Variants in MMS19 observed in about 807,000 individuals in gnomAD.
MMS19 encodes the protein MMS19 cytosolic iron-sulfur assembly component.
Under a neutral mutation model 129.8 loss-of-function variants are expected in MMS19, and 77 were observed. That is an observed-to-expected ratio of 0.59 (90% CI 0.49 to 0.72). The LOEUF (loss-of-function observed/expected upper bound fraction) is 0.72, where lower values mean the gene tolerates loss of function less well. MMS19 is among the 30% of genes least tolerant of loss of function. The pLI is 0.00. For missense variants in MMS19, 1,168 were observed against 1,266.3 expected, an observed-to-expected ratio of 0.92 and a Z score of 1.18; for synonymous variants, 491 against 502.8, an observed-to-expected ratio of 0.98 and a Z score of 0.31.
At chr10:97,497,158 T>C (rs1188524614) in intron 1 of MMS19, among the ~76,000 whole-genome samples, 5 of 152,212 alleles carry the variant, frequency 3.3e-5, no homozygotes, top group South Asian at 4.1e-4. Context: ...TCTTACAGAA[T>C]GGTTGCCTCT....
chr10:97,488,516 T>C (rs943347666), intron 1 of MMS19, among the ~76,000 whole-genome samples: 1 of 152,230 alleles, frequency 6.6e-6, no homozygotes, highest in African/African-American at 2.4e-5. Context: ...AATCTGTGGA[T>C]GCTCAAGACC....
At position 97,498,332 on chromosome 10, in the gene MMS19, C is replaced by A; in HGVS notation, c.53G>T (p.Gly18Val). Residue 18 changes from glycine (G) to valine (V), a missense_variant, in exon 1 of 31, where the codon GGC becomes GTC. Transcript: ENST00000438925. ...ACCCACGACGAAGTCGTGCACGAGGCCCCATAGGGCACCCATAGGCGCCGC... is the reference window on the plus strand; with the variant it reads ...ACCCACGACGAAGTCGTGCACGAGGACCCATAGGGCACCCATAGGCGCCGC... ...EAAAPMGALW[G>V]LVHDFVVGQQ... 1 of 1,574,668 alleles carries A rather than the reference C, an allele frequency of 6.4e-7. No homozygotes were observed. The highest frequency in any genetic ancestry group is 8.6e-7 in the Non-Finnish European group (1 of 1,167,460).
chr10:97,477,491 A>G, intron 5 of MMS19, 75 bp from the exon 6 acceptor site: 1 of 1,598,490 alleles, frequency 6.3e-7, no homozygotes, highest in Non-Finnish European at 8.6e-7. Context: ...TTCCTGCTTC[A>G]TAATCTCTAA....
chr10:97,474,145 A>T (rs1445182469), intron 8 of MMS19, among the ~76,000 whole-genome samples: 1 of 151,768 alleles, frequency 6.6e-6, no homozygotes, highest in African/African-American at 2.4e-5. Context: ...AAAAAAAAAA[A>T]AAAAAGGGAA....
chr10:97,475,366 G>A (rs1288636671), intron 8 of MMS19, among the ~76,000 whole-genome samples: 1 of 152,168 alleles, frequency 6.6e-6, no homozygotes, highest in African/African-American at 2.4e-5. Context: ...AAAGATGGTA[G>A]GGAGATTTCT....
In MMS19 at chr10:97,484,086, A is replaced by G. The variant is rs1420590054; in HGVS notation, c.161+17T>C. 6.6e-7 allele frequency: 1 copy of G among 1,514,540 alleles called. No individual in the cohort carries two copies. Among genetic ancestry groups the G allele is most frequent in the Admixed American group, 2.0e-5 (1 of 51,042 alleles). The allele number at this position is 1,514,540 out of a possible 1,614,324, so 93.8% of individuals were successfully genotyped here. A position where few individuals can be genotyped will look rare whatever the true frequency, so the allele number is the denominator to read the frequency against. On this transcript the variant is annotated intron_variant, in intron 2 of 30. Coordinates refer to ENST00000438925, the MANE Select transcript of MMS19 (RefSeq NM_022362.5). The stretch of plus-strand genomic sequence containing the variant: ...AGTCAGGGTTGGAGAAGAACATTCT[A>G]TAGCAGAGGCTCTTACCCAAGGGCT...
rs374200484 is a variant in MMS19 at position 97,498,198 on chromosome 10, C to T, written c.112+75G>A. Reference sequence around the variant, plus strand: ...CAAAGTCACCCCGCTCCTCCCTTCCCGCCCGGCGCCTGTACTGAGGCCGCT... The same window carrying T: ...CAAAGTCACCCCGCTCCTCCCTTCCTGCCCGGCGCCTGTACTGAGGCCGCT... On this transcript the variant is annotated intron_variant, in intron 1 of 30. Transcript: ENST00000438925. 3.2e-4 allele frequency: 443 copies of T among 1,381,626 alleles called. 5 individuals carry two copies. The South Asian group carries it at 5.5e-3, about 17-fold the overall frequency. The allele number at this position is 1,381,626 out of a possible 1,614,324, so 85.6% of individuals were successfully genotyped here.
intron 1 of MMS19, 32 bp downstream of exon 1, chr10:97,498,241 A>C (rs1262982414): frequency 2.0e-6 from 3 of 1,528,538 alleles, no homozygotes; most frequent in Admixed American, 4.2e-5. Context: ...GTTGGCCCCC[A>C]TGCGGAAGGC....
chr10:97,459,027 G>C, intron 29 of MMS19, 127 bp from the exon 30 acceptor site: 8 of 1,027,094 alleles, frequency 7.8e-6, no homozygotes, highest in African/African-American at 1.6e-5. Flanking sequence ...GGGATGTTAA[G>C]TGGCAGGATG....
At chr10:97,471,211 T>C (rs2034616572) in intron 8 of MMS19, among the ~76,000 whole-genome samples, 1 of 152,220 alleles carries the variant, frequency 6.6e-6, no homozygotes, top group Non-Finnish European at 1.5e-5. Context: ...AATCATTTTG[T>C]ACATGTGGTT....
At position 97,471,307 on chromosome 10, in the gene MMS19, T is replaced by C. The variant is rs548990241; in HGVS notation, c.685-446A>G. Among the ~76,000 whole-genome samples the C allele has an allele frequency of 1.4e-4, 21 of 152,284 alleles. No homozygotes were observed. The South Asian group carries it at 4.1e-3, about 30-fold the overall frequency. On this transcript the variant is annotated intron_variant, in intron 8 of 30. Coordinates refer to ENST00000438925, the MANE Select transcript of MMS19 (RefSeq NM_022362.5). ...TAGTTTTAGTGGCTATGATTTCATT[T>C]TGTGGTTGTACCAGTTTATCTAGAT...
chr10:97,460,289 G>A, intron 25 of MMS19, 57 bp from the exon 26 acceptor site: 1 of 1,528,042 alleles, frequency 6.5e-7, no homozygotes, highest in African/African-American at 1.4e-5. Context: ...AAGTGCCAAA[G>A]ATAAGGATGG....
intron 8 of MMS19, among the ~76,000 whole-genome samples, chr10:97,471,923 A>G (rs1173827333): frequency 6.6e-6 from 1 of 152,250 alleles, no homozygotes; most frequent in Non-Finnish European, 1.5e-5. Flanking sequence ...TCAGAAAATC[A>G]GAGGTCCAAC....
chr10:97,492,089 G>A (rs1473060825), intron 1 of MMS19, among the ~76,000 whole-genome samples: 6 of 141,420 alleles, frequency 4.2e-5, no homozygotes, highest in African/African-American at 1.6e-4. Flanking sequence ...AATGAGCTGA[G>A]ATCATGCCAT....
At position 97,459,652 on chromosome 10, in the gene MMS19, G is replaced by A. The variant is rs1231123448; in HGVS notation, c.2739+7C>T. Reference sequence around the variant, plus strand: ...CTTTGCTTAGAAGCTCTGCCTGTGGGACTTACCGTGGGCAGCTCTGGCAAG... The same window carrying A: ...CTTTGCTTAGAAGCTCTGCCTGTGGAACTTACCGTGGGCAGCTCTGGCAAG... On this transcript the variant is annotated splice_region_variant and intron_variant, in intron 27 of 30. Coordinates refer to ENST00000438925, the MANE Select transcript of MMS19 (RefSeq NM_022362.5). 18 of 1,610,198 alleles carry A rather than the reference G, an allele frequency of 1.1e-5. No homozygotes were observed. Among genetic ancestry groups the A allele is most frequent in the Non-Finnish European group, 1.5e-5 (18 of 1,178,070 alleles).
chr10:97,489,009 T>C (rs902129434), intron 1 of MMS19, among the ~76,000 whole-genome samples: 8 of 152,176 alleles, frequency 5.3e-5, no homozygotes, highest in Non-Finnish European at 1.0e-4. Context: ...CCAGGCTGGA[T>C]TGTATTTTTA....
upstream of MMS19, chr10:97,498,528 G>A: frequency 2.6e-6 from 3 of 1,176,046 alleles, no homozygotes; most frequent in South Asian, 1.6e-5. Flanking sequence ...TGCCTAGGCA[G>A]TTCCAGGGAG....
At position 97,480,760 on chromosome 10, in the gene MMS19, T is replaced by G. The variant is rs930967787; in HGVS notation, c.262+182A>C. 10 of 602,758 alleles carry G rather than the reference T, an allele frequency of 1.7e-5. No homozygotes were observed. In the African/African-American group the frequency reaches 1.7e-4, roughly 10 times the overall value. The allele number at this position is 602,758 out of a possible 1,614,324, so 37.3% of individuals were successfully genotyped here. A position where few individuals can be genotyped will look rare whatever the true frequency, so the allele number is the denominator to read the frequency against. On this transcript the variant is annotated intron_variant, in intron 3 of 30. Transcript: ENST00000438925. ...AGCTAACGTTTTATATTGAAATCCA[T>G]GTGTCTTGTGTCTCAATTCTAATCA... is the stretch of plus-strand genomic sequence containing the variant.
In MMS19 at chr10:97,476,931, C is replaced by G; in HGVS notation, c.526G>C (p.Gly176Arg). 1 of 1,613,874 alleles carries G rather than the reference C, an allele frequency of 6.2e-7. No individual in the cohort carries two copies. Among genetic ancestry groups the G allele is most frequent in the Non-Finnish European group, 8.5e-7 (1 of 1,179,806 alleles). ...TCCCCATCCATCACCTGGATGAAGCCAAAGGTGAAGTCAGCTCCTAGGCTC... is the reference window on the plus strand; with the variant it reads ...TCCCCATCCATCACCTGGATGAAGCGAAAGGTGAAGTCAGCTCCTAGGCTC... ...LKSLGADFTF[G>R]FIQVMDGEKD... Residue 176 changes from glycine (G) to arginine (R), a missense_variant, in exon 7 of 31, where the codon GGC (glycine) becomes CGC (arginine). Gly to Arg is a moderately radical substitution (Grantham distance 125, BLOSUM62 -2). Transcript: ENST00000438925.
Sources: allele counts gnomAD v4.1 joint callset (sites outside exome capture counted in the v4.1 genomes callset), GRCh38; gene constraint gnomAD v4.1.1; transcripts MANE v1.5; gene names NCBI Gene and HGNC (gene_info 2026-07-23, HGNC 2026-07-21).